The following MYO5B variants were observed in gnomAD, a reference collection of about 807,000 sequenced individuals.
MYO5B encodes unconventional myosin-Vb.
A neutral mutation model predicts 229.3 loss-of-function variants in MYO5B; 143 were observed. The observed-to-expected ratio is 0.62, with a 90% CI of 0.54 to 0.72. MYO5B has a LOEUF of 0.72. MYO5B is among the 30% of genes least tolerant of loss of function. The probability of loss-of-function intolerance (pLI) is 0.00; values close to 1 mark genes in which losing one functional copy is unlikely to be tolerated. For synonymous variants in MYO5B, 918 were observed against 885.2 expected, an observed-to-expected ratio of 1.04 and a Z score of -0.66; for missense variants, 2,321 against 2,331.0, an observed-to-expected ratio of 1.00 and a Z score of 0.09.
intron 29 of MYO5B, among the ~76,000 whole-genome samples, chr18:49,859,042 C>A (rs2024296495): frequency 6.6e-6 from 1 of 152,228 alleles, no homozygotes; most frequent in Non-Finnish European, 1.5e-5. Flanking sequence ...CTGTGACACA[C>A]AGAGATAAGT....
intron 2 of MYO5B, among the ~76,000 whole-genome samples, chr18:50,053,340 C>G (rs1015457383): frequency 6.6e-6 from 1 of 152,158 alleles, no homozygotes; most frequent in African/African-American, 2.4e-5. Flanking sequence ...GTTAGTCATG[C>G]AGGGCCAAAT....
At chr18:49,988,650 G>GA (rs895278161) in intron 7 of MYO5B, among the ~76,000 whole-genome samples, 1 of 152,104 alleles carries the variant, frequency 6.6e-6, no homozygotes, top group Non-Finnish European at 1.5e-5. Flanking sequence ...TGACCTGAGG[G>GA]AAAAAAATTT....
At chr18:49,853,229 GC>G (rs1481999808) in intron 31 of MYO5B, among the ~76,000 whole-genome samples, 3 of 152,144 alleles carry the variant, frequency 2.0e-5, no homozygotes, top group Non-Finnish European at 4.4e-5. Flanking sequence ...GGCAGGTGAC[GC>G]CCCCCAGCCA....
At chr18:49,903,125 G>T (rs564758087) in intron 20 of MYO5B, among the ~76,000 whole-genome samples, 2 of 152,164 alleles carry the variant, frequency 1.3e-5, no homozygotes, top group Non-Finnish European at 2.9e-5. Context: ...CAAGGTTGTA[G>T]GGGCCTAATG....
intron 20 of MYO5B, among the ~76,000 whole-genome samples, chr18:49,904,079 T>C (rs1041128600): frequency 3.7e-4 from 56 of 152,354 alleles, no homozygotes; most frequent in African/African-American, 1.3e-3. Flanking sequence ...AACTCAGGTA[T>C]CAGAAGGGGT....
chr18:49,967,977 C>T (rs567106611), intron 10 of MYO5B, among the ~76,000 whole-genome samples: 4 of 152,274 alleles, frequency 2.6e-5, no homozygotes, highest in Non-Finnish European at 4.4e-5. Context: ...ATTCCCAGCT[C>T]GTCTTCAGGC....
intron 33 of MYO5B, among the ~76,000 whole-genome samples, chr18:49,844,819 T>C (rs973023798): frequency 1.3e-5 from 2 of 152,258 alleles, no homozygotes; most frequent in Non-Finnish European, 2.9e-5. Flanking sequence ...GAATGTTCTA[T>C]TGTGATTAAA....
At chr18:49,956,769 G>T (rs1258908761) in intron 12 of MYO5B, among the ~76,000 whole-genome samples, 4 of 152,110 alleles carry the variant, frequency 2.6e-5, no homozygotes, top group African/African-American at 9.7e-5. Flanking sequence ...GTCTAGGCAG[G>T]TTCTGTCCCT....
chr18:49,975,769 T>C (rs2025743374), intron 9 of MYO5B, among the ~76,000 whole-genome samples: 1 of 152,000 alleles, frequency 6.6e-6, no homozygotes, highest in Admixed American at 6.6e-5. Context: ...GTACAACTAC[T>C]CAACCAGGCC....
intron 1 of MYO5B, among the ~76,000 whole-genome samples, chr18:50,062,867 G>T (rs2030722240): frequency 6.6e-6 from 1 of 152,184 alleles, no homozygotes; most frequent in South Asian, 2.1e-4. Flanking sequence ...GATATAGGGT[G>T]CTGGTCCCCA....
In MYO5B at chr18:49,825,327, G is replaced by T. The variant is rs1361450134; in HGVS notation, c.*1144C>A. The T allele has an allele frequency of 6.6e-6, 1 of 151,648 alleles. No homozygotes were observed. The highest frequency in any genetic ancestry group is 2.4e-5 in the African/African-American group (1 of 41,242). The allele number at this position is 151,648 out of a possible 1,614,324, so 9.4% of individuals were successfully genotyped here. ...TTTAAAATCCTTATTTTGTGGGAGAGATATTTACAATTTTTTGTGTGCTAA... is the reference window on the plus strand; with the variant it reads ...TTTAAAATCCTTATTTTGTGGGAGATATATTTACAATTTTTTGTGTGCTAA... On this transcript the variant is annotated 3_prime_UTR_variant, in exon 40 of 40. Transcript: ENST00000285039.
intron 1 of MYO5B, among the ~76,000 whole-genome samples, chr18:50,136,352 GT>G (rs796793630): frequency 2.6e-5 from 3 of 114,632 alleles, no homozygotes; most frequent in Admixed American, 1.0e-4. Context: ...TTTGTTTTTT[GT>G]TTTTTTTTTA....
At chr18:50,077,595 T>C (rs2031119104) in intron 1 of MYO5B, among the ~76,000 whole-genome samples, 1 of 151,538 alleles carries the variant, frequency 6.6e-6, no homozygotes, top group Admixed American at 6.6e-5. Flanking sequence ...CTCCCACTCA[T>C]CTCCTATAGA....
intron 39 of MYO5B, among the ~76,000 whole-genome samples, chr18:49,831,926 T>TA (rs1166318087): frequency 2.0e-5 from 3 of 152,300 alleles, no homozygotes; most frequent in East Asian, 3.9e-4. Context: ...ATGAAGTTTT[T>TA]ATGCATGCTA....
intron 30 of MYO5B, among the ~76,000 whole-genome samples, chr18:49,854,829 A>AAG (rs897812129): frequency 2.6e-5 from 4 of 152,096 alleles, no homozygotes; most frequent in African/African-American, 4.8e-5. Context: ...ACAAGGGAGC[A>AAG]AGAGAGAGAG....
At chr18:50,147,052 A>G (rs1379662115) in intron 1 of MYO5B, among the ~76,000 whole-genome samples, 11 of 152,098 alleles carry the variant, frequency 7.2e-5, no homozygotes, top group Non-Finnish European at 1.6e-4. Flanking sequence ...CTCCTTACAG[A>G]CAGTTTCCAT....
chr18:50,116,573 G>C (rs2031966688), intron 1 of MYO5B, among the ~76,000 whole-genome samples: 1 of 151,936 alleles, frequency 6.6e-6, no homozygotes, highest in African/African-American at 2.4e-5. Context: ...TCTCCAATGT[G>C]CCAAGTTCTC....
At chr18:49,863,156 CCAAA>C (rs1394595153) in intron 29 of MYO5B, 67 bp downstream of exon 29, 29 of 1,220,062 alleles carry the variant, frequency 2.4e-5, no homozygotes, top group Non-Finnish European at 3.4e-5. Flanking sequence ...GAGGAAAACC[CCAAA>C]CAGACTCGTT....
In MYO5B at chr18:49,872,224, T is replaced by G. The variant is rs911661043; in HGVS notation, c.3546A>C (p.Pro1182=). The part of the protein sequence containing the change: ...QQDSKKVQAE[P]PQTDIDLDPN... ...GGTCCAAATCTATGTCAGTCTGTGGTGGTTCCGCCTGCATGGATAGAGACA... is the reference window on the plus strand; with the variant it reads ...GGTCCAAATCTATGTCAGTCTGTGGGGGTTCCGCCTGCATGGATAGAGACA... Residue 1182 remains proline, a synonymous_variant, in exon 27 of 40, where the codon CCA becomes CCC. Coordinates refer to ENST00000285039, the MANE Select transcript of MYO5B (RefSeq NM_001080467.3). The G allele has an allele frequency of 6.2e-7, 1 of 1,613,972 alleles. No homozygotes were observed. Among genetic ancestry groups the G allele is most frequent in the African/African-American group, 1.3e-5 (1 of 74,924 alleles).
Sources: allele counts gnomAD v4.1 joint callset (sites outside exome capture counted in the v4.1 genomes callset), GRCh38; gene constraint gnomAD v4.1.1; transcripts MANE v1.5; gene names NCBI Gene and HGNC (gene_info 2026-07-23, HGNC 2026-07-21).